The following LRP2 variants were observed in gnomAD, a reference collection of about 807,000 sequenced individuals.
The protein encoded by LRP2 is LDL receptor related protein 2.
A neutral mutation model predicts 531.0 loss-of-function variants in LRP2; 172 were observed. The observed-to-expected ratio is 0.32, with a 90% CI of 0.29 to 0.37. LRP2 has a LOEUF of 0.37. Ranked by LOEUF, LRP2 falls within the 10% of genes least tolerant of loss-of-function variation. LRP2 has a pLI of 1.00. For synonymous variants in LRP2, 1,992 were observed against 2,027.6 expected, an observed-to-expected ratio of 0.98 and a Z score of 0.47; for missense variants, 5,167 against 5,868.3, an observed-to-expected ratio of 0.88 and a Z score of 3.90.
rs1574185000 is a variant in LRP2 at position 169,256,102 on chromosome 2, A to T, written c.2770+4T>A. Reference sequence around the variant, plus strand: ...ATACATACTTTTATTGCTTTAAAACATACCTCCAAAGATGGCAAGTCCAAA... The same window carrying T: ...ATACATACTTTTATTGCTTTAAAACTTACCTCCAAAGATGGCAAGTCCAAA... On this transcript the variant is annotated splice_donor_region_variant and intron_variant, in intron 19 of 78. Transcript: ENST00000649046. 1.2e-6 allele frequency: 2 copies of T among 1,612,682 alleles called. No individual in the cohort carries two copies. The highest frequency in any genetic ancestry group is 2.2e-5 in the East Asian group (1 of 44,814).
intron 1 of LRP2, among the ~76,000 whole-genome samples, chr2:169,331,451 C>G (rs1354307866): frequency 6.6e-6 from 1 of 152,162 alleles, no homozygotes. Context: ...TCTGTGCTCC[C>G]CCTGAATAGC....
In LRP2 at chr2:169,246,296, C is replaced by T. The variant is rs974408833; in HGVS notation, c.3190+409G>A. Among the ~76,000 whole-genome samples the T allele has an allele frequency of 2.6e-4, 39 of 151,770 alleles. 1 individual carries two copies. The highest frequency in any genetic ancestry group is 9.4e-4 in the African/African-American group (39 of 41,294). On this transcript the variant is annotated intron_variant, in intron 21 of 78. Transcript: ENST00000649046. ...GCCATTTTATATTTTTTGTAGAGAC[C>T]GGATTTCGTCATGTTTCCCAGGCTG... is the stretch of plus-strand genomic sequence containing the variant.
chr2:169,320,541 G>A (rs565810684), intron 2 of LRP2, among the ~76,000 whole-genome samples: 2 of 152,170 alleles, frequency 1.3e-5, no homozygotes, highest in Non-Finnish European at 1.5e-5. Context: ...AGGGATAAGG[G>A]TGAGATAGAA....
At chr2:169,168,018 A>AATATGCATATATATAT (rs1686846495) in intron 61 of LRP2, among the ~76,000 whole-genome samples, 1 of 68,190 alleles carries the variant, frequency 1.5e-5, no homozygotes, top group South Asian at 7.3e-4. Flanking sequence ...CAGGGTTTAA[A>AATATGCATATATATAT]ATATATATAT....
intron 3 of LRP2, among the ~76,000 whole-genome samples, chr2:169,310,207 C>T (rs894217298): frequency 1.3e-5 from 2 of 152,120 alleles, no homozygotes; most frequent in Admixed American, 6.5e-5. Context: ...TAATTGGATA[C>T]CCTTTATTTC....
chr2:169,282,964 C>T lies in LRP2; in HGVS notation c.1080G>A (p.Gln360=). ...GACGGCCAGGTCGGCTTTCACACTT[C>T]TGGTCACAAATTCCCCATATCTGGC... The part of the protein sequence containing the change: ...DDCQIWGICD[Q]KCESRPGRHL... Residue 360 remains glutamine (Q), a synonymous_variant, in exon 10 of 79, where the codon CAG becomes CAA. Coordinates refer to ENST00000649046, the MANE Select transcript of LRP2 (RefSeq NM_004525.3). 6.2e-7 allele frequency: 1 copy of T among 1,614,134 alleles called. No individual in the cohort carries two copies. Among genetic ancestry groups the T allele is most frequent in the South Asian group, 1.1e-5 (1 of 91,078 alleles).
intron 25 of LRP2, among the ~76,000 whole-genome samples, chr2:169,240,464 CAT>C (rs1689763975): frequency 6.6e-6 from 1 of 152,142 alleles, no homozygotes. Context: ...AAACACAACA[CAT>C]ATGAAATCAT....
rs1684559957 is a variant in LRP2 at position 169,310,413 on chromosome 2, G to A, written c.311-3016C>T. ...TTATTGAGAGTTTTTAGCATGAAGGGCTGTTGAATTTTGTCAAAGGCCTTT... is the reference window on the plus strand; with the variant it reads ...TTATTGAGAGTTTTTAGCATGAAGGACTGTTGAATTTTGTCAAAGGCCTTT... On this transcript the variant is annotated intron_variant, in intron 3 of 78. Coordinates refer to ENST00000649046, the MANE Select transcript of LRP2 (RefSeq NM_004525.3). Among the ~76,000 whole-genome samples, 3 of 152,140 alleles carry A rather than the reference G, an allele frequency of 2.0e-5. No homozygotes were observed. The South Asian group carries it at 6.2e-4, about 32-fold the overall frequency.
chr2:169,234,912 G>T (rs1371116028), intron 29 of LRP2, among the ~76,000 whole-genome samples: 8 of 145,058 alleles, frequency 5.5e-5, no homozygotes, highest in Admixed American at 1.4e-4. Flanking sequence ...GTTAATTTTT[G>T]TTTTTTTTTT....
At chr2:169,237,957 G>T in intron 27 of LRP2, 134 bp downstream of exon 27, 1 of 759,034 alleles carries the variant, frequency 1.3e-6, no homozygotes, top group Non-Finnish European at 2.4e-6. Context: ...CAAGTCTCTT[G>T]GGTATGATGT....
Position 169,277,788 on chromosome 2 carries a change from G to A in LRP2, c.1729C>T (p.Arg577Trp), listed in dbSNP as rs144270115. 60 of 1,613,836 alleles carry A rather than the reference G, an allele frequency of 3.7e-5. No individual in the cohort carries two copies. Among genetic ancestry groups the A allele is most frequent in the African/African-American group, 1.2e-4 (9 of 74,858 alleles). ...ISKRVYWVDS[R>W]FDYIETVTYD... ...GTTACAGTTTCAATGTAATCAAACC[G>A]AGAGTCAACCCAGTAAACACGCTTC... Residue 577 changes from arginine to tryptophan, a missense_variant, in exon 13 of 79, where the codon CGG becomes TGG. Arg to Trp is a moderately radical substitution (Grantham distance 101). Around this residue, in one of 6 missense-constraint regions of LRP2, gnomAD observed 2,811 missense variants for 3,058.0 expected, o/e 0.92. Coordinates refer to ENST00000649046, the MANE Select transcript of LRP2 (RefSeq NM_004525.3).
At chr2:169,284,915 T>C (rs760077284) in intron 9 of LRP2, among the ~76,000 whole-genome samples, 24 of 152,188 alleles carry the variant, frequency 1.6e-4, no homozygotes, top group Non-Finnish European at 3.1e-4. Context: ...GCAGAAGTTC[T>C]GATGTCAAAC....
At position 169,197,157 on chromosome 2, in the gene LRP2, T is replaced by C. The variant is rs878954500; in HGVS notation, c.8579-127A>G. On this transcript the variant is annotated intron_variant, in intron 45 of 78. Transcript: ENST00000649046. Reference sequence around the variant, plus strand: ...AAAAAGGAAGACTGAGCCTGGAAAATGGATGCTTGTGTAAGCTTTCTGTGG... The same window carrying C: ...AAAAAGGAAGACTGAGCCTGGAAAACGGATGCTTGTGTAAGCTTTCTGTGG... 141 of 1,118,952 alleles carry C rather than the reference T, an allele frequency of 1.3e-4. 3 individuals carry two copies. In the South Asian group the frequency reaches 1.9e-3, roughly 15 times the overall value. 69.3% of individuals were successfully genotyped at this position (1,118,952 alleles called of 1,614,324 possible).
At chr2:169,319,469 C>G (rs1243402256) in intron 2 of LRP2, among the ~76,000 whole-genome samples, 1 of 152,066 alleles carries the variant, frequency 6.6e-6, no homozygotes, top group Non-Finnish European at 1.5e-5. Flanking sequence ...CTATCACTAT[C>G]GTCATTGATA....
chr2:169,145,811 C>G lies in LRP2; in HGVS notation c.12924G>C (p.Thr4308=), dbSNP rs753702869. ...NKFGQGKKEK[T]LVVNPWLTQV... ...GAGTGAGCCAAGGGTTCACTACCAG[C>G]GTTTTCTCTTTCTTTCCTTGCCCAA... Residue 4308 remains threonine (T), a synonymous_variant, in exon 70 of 79, where the codon ACG becomes ACC. Transcript: ENST00000649046. 6.2e-7 allele frequency: 1 copy of G among 1,613,994 alleles called. No homozygotes were observed. Among genetic ancestry groups the G allele is most frequent in the East Asian group, 2.2e-5 (1 of 44,882 alleles).
Position 169,204,037 on chromosome 2 carries a change from C to T in LRP2, c.7950G>A (p.Gln2650=), listed in dbSNP as rs1021261676. 6.2e-7 allele frequency: 1 copy of T among 1,614,236 alleles called. No homozygotes were observed. The highest frequency in any genetic ancestry group is 8.5e-7 in the Non-Finnish European group (1 of 1,180,032). The change falls in exon 42 of 79, where the codon CAG becomes CAA. Residue 2650 remains glutamine, a synonymous_variant. Coordinates refer to ENST00000649046, the MANE Select transcript of LRP2 (RefSeq NM_004525.3). ...TAAACTGTTCACAAGGATTGTTACA[C>T]TGTTGTTTCTGGTTCTTCACAACAG... ...INTVVKNQKQ[Q]CNNPCEQFNG... is the part of the protein sequence containing the mutation.
Position 169,185,040 on chromosome 2 carries a change from C to T in LRP2, c.9845+463G>A, listed in dbSNP as rs192901133. 5.9e-5 allele frequency among the ~76,000 whole-genome samples: 9 copies of T among 152,248 alleles called. No homozygotes were observed. The East Asian group carries it at 1.4e-3, about 23-fold the overall frequency. On this transcript the variant is annotated intron_variant, in intron 50 of 78. Transcript: ENST00000649046. ...CCTCCCAAAGTTCTGAGATTACAGG[C>T]GTGAGCCACTGCCCCCGGCCAATGA...
intron 47 of LRP2, among the ~76,000 whole-genome samples, chr2:169,193,181 C>A (rs911959660): frequency 2.6e-5 from 4 of 152,052 alleles, no homozygotes; most frequent in African/African-American, 9.7e-5. Context: ...AATCCCAGCA[C>A]TTTGGGAGGC....
intron 13 of LRP2, among the ~76,000 whole-genome samples, chr2:169,276,499 C>A (rs1683557826): frequency 6.6e-6 from 1 of 152,012 alleles, no homozygotes; most frequent in East Asian, 1.9e-4. Context: ...ATTGGGTTAG[C>A]TAATTTTTTC....
Sources: allele counts gnomAD v4.1 joint callset (sites outside exome capture counted in the v4.1 genomes callset), GRCh38; gene constraint gnomAD v4.1.1; regional missense constraint gnomAD v4.1.1; transcripts MANE v1.5; gene names NCBI Gene and HGNC (gene_info 2026-07-23, HGNC 2026-07-21).